The following PRKACB variants were observed in gnomAD, a reference collection of about 807,000 sequenced individuals.
The protein encoded by PRKACB is protein kinase cAMP-activated catalytic subunit beta.
Under a neutral mutation model 51.4 loss-of-function variants are expected in PRKACB, and 16 were observed. The observed-to-expected ratio is 0.31, with a 90% CI of 0.21 to 0.47. The LOEUF (loss-of-function observed/expected upper bound fraction) is 0.47. Ranked by LOEUF, PRKACB falls within the 20% of genes least tolerant of loss-of-function variation. PRKACB has a pLI of 1.00. For missense variants in PRKACB, 309 were observed against 464.5 expected (o/e 0.67, Z 3.08); for synonymous variants, 147 against 154.4 (o/e 0.95, Z 0.35).
At chr1:84,092,455 A>G (rs978725848) in intron 1 of PRKACB, among the ~76,000 whole-genome samples, 1 of 152,206 alleles carries the variant, frequency 6.6e-6, no homozygotes, top group Non-Finnish European at 1.5e-5. Context: ...AGCTCTTATA[A>G]ATAATGCTTT....
At chr1:84,153,264 A>C (rs1038582512) in intron 1 of PRKACB, among the ~76,000 whole-genome samples, 4 of 152,150 alleles carry the variant, frequency 2.6e-5, no homozygotes, top group South Asian at 2.1e-4. Flanking sequence ...ATAATAATGA[A>C]AAAGGAAATA....
chr1:84,134,473 TATTACAAAGTAC>T (rs1399574558), intron 1 of PRKACB, among the ~76,000 whole-genome samples: 1 of 152,194 alleles, frequency 6.6e-6, no homozygotes, highest in African/African-American at 2.4e-5. Context: ...GGGAATACTC[TATTACAAAGTAC>T]CTGTACTGCA....
chr1:84,083,913 A>G (rs571439614), intron 1 of PRKACB, among the ~76,000 whole-genome samples: 1 of 152,306 alleles, frequency 6.6e-6, no homozygotes, highest in South Asian at 2.1e-4. Flanking sequence ...TTGAGCTCCT[A>G]AAATGTGACA....
upstream of PRKACB, among the ~76,000 whole-genome samples, chr1:84,141,075 G>A (rs951328093): frequency 5.3e-5 from 8 of 151,886 alleles, no homozygotes; most frequent in Non-Finnish European, 8.8e-5. Context: ...GTATTTTGTG[G>A]CAATTAAAGC....
At chr1:84,121,697 C>T (rs1651092934) in intron 1 of PRKACB, among the ~76,000 whole-genome samples, 1 of 152,040 alleles carries the variant, frequency 6.6e-6, no homozygotes, top group African/African-American at 2.4e-5. Flanking sequence ...GAATCTCTCC[C>T]AGGGTATTAG....
At chr1:84,166,632 A>G (rs968684996) in intron 1 of PRKACB, among the ~76,000 whole-genome samples, 22 of 151,714 alleles carry the variant, frequency 1.5e-4, no homozygotes, top group African/African-American at 5.3e-4. Context: ...TAAATGGTTA[A>G]GTGTCCTAGC....
At chr1:84,139,295 A>T (rs757873476), upstream of PRKACB, among the ~76,000 whole-genome samples, 1 of 152,188 alleles carries the variant, frequency 6.6e-6, no homozygotes, top group Non-Finnish European at 1.5e-5. Context: ...AAATCTATAA[A>T]AAGAAAGTCT....
chr1:84,091,886 G>A (rs11163900), intron 1 of PRKACB, among the ~76,000 whole-genome samples: 61,716 of 151,916 alleles, frequency 0.41, 13,262 homozygotes, highest in Non-Finnish European at 0.49. Context: ...GTACTCAGGG[G>A]CATCAGTGAC....
At chr1:84,223,959 T>G (rs953751096) in intron 9 of PRKACB, among the ~76,000 whole-genome samples, 1 of 152,226 alleles carries the variant, frequency 6.6e-6, no homozygotes, top group African/African-American at 2.4e-5. Context: ...TCCTCCAGTT[T>G]TTAGGATTGG....
chr1:84,098,918 T>C (rs934369531), intron 1 of PRKACB, among the ~76,000 whole-genome samples: 2 of 151,994 alleles, frequency 1.3e-5, no homozygotes, highest in African/African-American at 4.8e-5. Context: ...TGAAAAGGAT[T>C]AGAGATCCTG....
At chr1:84,088,594 A>G (rs538415887) in intron 1 of PRKACB, among the ~76,000 whole-genome samples, 17 of 152,322 alleles carry the variant, frequency 1.1e-4, no homozygotes, top group Admixed American at 9.8e-4. Context: ...ATCTTAGCTC[A>G]GCTCCCTCTG....
chr1:84,221,860 G>A (rs987002784), intron 9 of PRKACB, among the ~76,000 whole-genome samples: 8 of 152,036 alleles, frequency 5.3e-5, no homozygotes, highest in African/African-American at 1.9e-4. Flanking sequence ...GGTCTATCCT[G>A]GAGAATGTTC....
intron 1 of PRKACB, among the ~76,000 whole-genome samples, chr1:84,131,094 C>G (rs150847887): frequency 7.9e-5 from 12 of 152,250 alleles, no homozygotes; most frequent in Admixed American, 5.2e-4. Context: ...CGGTGGCTCA[C>G]GCCTGTAAAC....
intron 1 of PRKACB, among the ~76,000 whole-genome samples, chr1:84,085,028 T>G (rs1647852797): frequency 6.6e-6 from 1 of 152,214 alleles, no homozygotes; most frequent in African/African-American, 2.4e-5. Flanking sequence ...TTACATAAGT[T>G]AAGAATTCTA....
At position 84,135,408 on chromosome 1, in the gene PRKACB, T is replaced by G. The variant is rs192311475; in HGVS notation, c.47-43769T>G. On this transcript the variant is annotated intron_variant, in intron 1 of 8. Coordinates refer to the PRKACB transcript ENST00000370688. ...AATCAGTGTAAGTAGGTAATTGACC[T>G]GAGCAGTACTATCAATTTGATGTAA... Among the ~76,000 whole-genome samples the G allele has an allele frequency of 3.9e-5, 6 of 152,310 alleles. No individual in the cohort carries two copies. The East Asian group carries it at 1.2e-3, about 29-fold the overall frequency.
chr1:84,132,681 TA>T lies in PRKACB; in HGVS notation c.47-46494del, dbSNP rs938020981. ...GGAGATACATAAAGCAGAGAGACAC[TA>T]AGAAAAGATCAAAAGGAAATGCTAG... is the stretch of plus-strand genomic sequence containing the variant. On this transcript the variant is annotated intron_variant, in intron 1 of 8. Coordinates refer to the PRKACB transcript ENST00000370688. Among the ~76,000 whole-genome samples the T allele has an allele frequency of 9.2e-5, 14 of 151,900 alleles. No individual in the cohort carries two copies. The East Asian group carries it at 2.7e-3, about 29-fold the overall frequency.
chr1:84,209,127 T>G (rs529082207), intron 8 of PRKACB, among the ~76,000 whole-genome samples: 1 of 152,352 alleles, frequency 6.6e-6, no homozygotes, highest in Non-Finnish European at 1.5e-5. Context: ...TTTGTATCAC[T>G]AATCATTCCC....
chr1:84,212,940 G>A (rs943145851), intron 8 of PRKACB, among the ~76,000 whole-genome samples: 1 of 152,112 alleles, frequency 6.6e-6, no homozygotes, highest in Non-Finnish European at 1.5e-5. Flanking sequence ...CTATAGCATA[G>A]TTGAATAAAT....
chr1:84,213,310 G>A (rs1672402244), intron 8 of PRKACB, among the ~76,000 whole-genome samples: 1 of 152,084 alleles, frequency 6.6e-6, no homozygotes, highest in Non-Finnish European at 1.5e-5. Context: ...TCCTTTGGTG[G>A]TACCCATTTT....
Sources: allele counts gnomAD v4.1 joint callset (sites outside exome capture counted in the v4.1 genomes callset), GRCh38; gene constraint gnomAD v4.1.1; transcripts MANE v1.5; gene names NCBI Gene and HGNC (gene_info 2026-07-23, HGNC 2026-07-21).